The following EVI5 variants were observed in gnomAD, a reference collection of about 807,000 sequenced individuals.
EVI5 encodes the protein ecotropic viral integration site 5 protein homolog.
Under a neutral mutation model 112.0 loss-of-function variants are expected in EVI5, and 73 were observed. The ratio of observed to expected loss-of-function variants is 0.65; its 90% CI spans 0.54 to 0.79. EVI5 has a LOEUF of 0.79. EVI5 is among the 30% of genes least tolerant of loss of function. EVI5 has a pLI of 0.00. For synonymous variants in EVI5, 305 were observed against 319.9 expected (o/e 0.95, Z 0.50); for missense variants, 900 against 968.8 (o/e 0.93, Z 0.94).
intron 19 of EVI5, among the ~76,000 whole-genome samples, chr1:92,550,815 A>ATAT (rs1557766729): frequency 1.2e-4 from 11 of 90,234 alleles, no homozygotes; most frequent in African/African-American, 4.5e-4. Flanking sequence ...TATATATATA[A>ATAT]CAAAAAAAAC....
chr1:92,742,191 C>T (rs1678518140), intron 1 of EVI5, among the ~76,000 whole-genome samples: 1 of 151,814 alleles, frequency 6.6e-6, no homozygotes, highest in South Asian at 2.1e-4. Context: ...ATATAAATGG[C>T]CAATAATCAC....
chr1:92,572,190 C>T (rs1670420036), intron 18 of EVI5, among the ~76,000 whole-genome samples: 1 of 152,038 alleles, frequency 6.6e-6, no homozygotes, highest in Admixed American at 6.6e-5. Context: ...TCATCAATAA[C>T]TCAATTAATG....
intron 18 of EVI5, among the ~76,000 whole-genome samples, chr1:92,587,934 A>C (rs1673076614): frequency 6.6e-6 from 1 of 152,234 alleles, no homozygotes; most frequent in Non-Finnish European, 1.5e-5. Context: ...TCCCAGGTTA[A>C]ATACTAGAAG....
chr1:92,774,124 T>C (rs1001369533), intron 1 of EVI5: 2 of 152,196 alleles, frequency 1.3e-5, no homozygotes, highest in Non-Finnish European at 2.9e-5. Flanking sequence ...TAAGTAAAAC[T>C]GCAGATAAGG....
chr1:92,513,543 ATATATATATATATATATATATATGTAC>A lies in EVI5; in HGVS notation c.*86_*112del. ...TATATATATATATATATATATATATATATATATATATATATATATATATGTACATATGAAACAAATTATTTCCAAAAA... is the reference window on the plus strand; with the variant it reads ...TATATATATATATATATATATATATAATATGAAACAAATTATTTCCAAAAA... On this transcript the variant is annotated 3_prime_UTR_variant, in exon 20 of 20. Transcript: ENST00000684568. 1.7e-4 allele frequency: 3 copies of A among 18,142 alleles called. No individual in the cohort carries two copies. The highest frequency in any genetic ancestry group is 2.2e-4 in the Non-Finnish European group (2 of 9,040). 1.1% of individuals were successfully genotyped at this position (18,142 alleles called of 1,614,324 possible). A position where few individuals can be genotyped will look rare whatever the true frequency, so the allele number is the denominator to read the frequency against.
At chr1:92,755,228 T>C (rs1172634686) in intron 1 of EVI5, among the ~76,000 whole-genome samples, 1 of 151,866 alleles carries the variant, frequency 6.6e-6, no homozygotes, top group South Asian at 2.1e-4. Context: ...GGCCAACATG[T>C]TGAAACCCCG....
chr1:92,686,108 T>C (rs1336684628), intron 9 of EVI5, among the ~76,000 whole-genome samples: 1 of 152,152 alleles, frequency 6.6e-6, no homozygotes, highest in African/African-American at 2.4e-5. Context: ...AAGAGAATTT[T>C]AGGCCAATAC....
intron 19 of EVI5, among the ~76,000 whole-genome samples, chr1:92,533,087 T>C (rs1030454996): frequency 7.7e-6 from 1 of 129,276 alleles, no homozygotes; most frequent in Non-Finnish European, 1.7e-5. Flanking sequence ...ATAGGTGCAA[T>C]AAAAAAAATG....
chr1:92,657,931 GACTC>G (rs1191637203), intron 13 of EVI5, among the ~76,000 whole-genome samples: 1 of 152,076 alleles, frequency 6.6e-6, no homozygotes, highest in African/African-American at 2.4e-5. Flanking sequence ...ATTTCACAAG[GACTC>G]ACTCACATGA....
chr1:92,582,468 G>C (rs369552125), intron 18 of EVI5, among the ~76,000 whole-genome samples: 1 of 152,028 alleles, frequency 6.6e-6, no homozygotes, highest in Non-Finnish European at 1.5e-5. Flanking sequence ...TGATGAGAAG[G>C]TATCAGTCAT....
At chr1:92,519,506 A>G (rs1301069276) in intron 19 of EVI5, among the ~76,000 whole-genome samples, 1 of 152,246 alleles carries the variant, frequency 6.6e-6, no homozygotes, top group Non-Finnish European at 1.5e-5. Context: ...AATGTATACC[A>G]GCAAAACACT....
At chr1:92,691,774 T>TA (rs1034727120) in intron 9 of EVI5, among the ~76,000 whole-genome samples, 2 of 152,054 alleles carry the variant, frequency 1.3e-5, no homozygotes, top group African/African-American at 2.4e-5. Flanking sequence ...TACTGTATTC[T>TA]AAAAAGAGAA....
intron 18 of EVI5, among the ~76,000 whole-genome samples, chr1:92,587,832 A>T (rs1389224677): frequency 6.6e-6 from 1 of 152,232 alleles, no homozygotes; most frequent in African/African-American, 2.4e-5. Context: ...AAGTGGCGTT[A>T]ATTTTATAGA....
chr1:92,541,293 T>C (rs1056413308), intron 19 of EVI5, among the ~76,000 whole-genome samples: 33 of 152,186 alleles, frequency 2.2e-4, no homozygotes, highest in Admixed American at 1.6e-3. Flanking sequence ...TGCAACTCAA[T>C]TATAAAAAGA....
chr1:92,634,637 G>A (rs989390115), intron 14 of EVI5, among the ~76,000 whole-genome samples: 1 of 152,098 alleles, frequency 6.6e-6, no homozygotes, highest in Admixed American at 6.6e-5. Flanking sequence ...TCCTCCTTTA[G>A]CTCGGAGTAG....
At position 92,790,512 on chromosome 1, in the gene EVI5, G is replaced by GT. The variant is rs566840380; in HGVS notation, c.51+1831dup. 7.1e-3 allele frequency among the ~76,000 whole-genome samples: 997 copies of GT among 140,796 alleles called. 5 individuals carry two copies. Among genetic ancestry groups the GT allele is most frequent in the African/African-American group, 0.016 (636 of 38,860 alleles). 92.4% of individuals were successfully genotyped at this position (140,796 alleles called of 152,430 possible). A position where few individuals can be genotyped will look rare whatever the true frequency, so the allele number is the denominator to read the frequency against. On this transcript the variant is annotated intron_variant, in intron 1 of 17. Transcript: ENST00000370331. ...CAACTCCTACTAATGTTCAAAACTG[G>GT]TTTTTTTTTTTGGTTTTTTTTTTTA... is the stretch of plus-strand genomic sequence containing the variant.
rs1557790037 is a variant in EVI5 at position 92,561,606 on chromosome 1, ATCCT to A, written c.2166+2032_2166+2035del. ...ATCTATCTATCTATCTATCTAATCT[ATCCT>A]ATCTATCTATCTATCTATCTATCTA... On this transcript the variant is annotated intron_variant, in intron 19 of 19. Coordinates refer to ENST00000684568, the MANE Select transcript of EVI5 (RefSeq NM_001350197.2). Among the ~76,000 whole-genome samples the A allele has an allele frequency of 4.0e-3, 544 of 135,448 alleles. 2 individuals carry two copies. Among genetic ancestry groups the A allele is most frequent in the Middle Eastern group, 7.3e-3 (2 of 274 alleles). The allele number at this position is 135,448 out of a possible 152,430, so 88.9% of individuals were successfully genotyped here.
chr1:92,789,101 T>G (rs1239548541), upstream of EVI5, among the ~76,000 whole-genome samples: 1 of 152,216 alleles, frequency 6.6e-6, no homozygotes, highest in African/African-American at 2.4e-5. Flanking sequence ...TTAGGCCCTG[T>G]AGCACTTCTC....
chr1:92,771,540 G>A (rs967613477), intron 1 of EVI5, among the ~76,000 whole-genome samples: 3 of 151,872 alleles, frequency 2.0e-5, no homozygotes, highest in Admixed American at 6.6e-5. Flanking sequence ...TCCTTACAGC[G>A]CTAGAATCCA....
Sources: allele counts gnomAD v4.1 joint callset (sites outside exome capture counted in the v4.1 genomes callset), GRCh38; gene constraint gnomAD v4.1.1; transcripts MANE v1.5; gene names NCBI Gene and HGNC (gene_info 2026-07-23, HGNC 2026-07-21).